Variants in CCL28 observed in about 807,000 individuals in gnomAD.
CCL28 encodes C-C motif chemokine ligand 28, also known as C-C motif chemokine 28.
CCL28 carries 4 observed loss-of-function variants against 7.1 expected under a neutral mutation model. The ratio of observed to expected loss-of-function variants is 0.56; its 90% CI spans 0.28 to 1.29. The LOEUF is 1.29. CCL28 is among the 50% of genes most tolerant of loss of function. The probability of loss-of-function intolerance (pLI) is 0.11; values close to 1 mark genes in which losing one functional copy is unlikely to be tolerated. For missense variants in CCL28, 151 were observed against 163.4 expected (o/e 0.92, Z 0.41); for synonymous variants, 55 against 57.8 (o/e 0.95, Z 0.22).
Position 43,408,707 on chromosome 5 carries a change from A to G in CCL28, c.64+3546T>C, listed in dbSNP as rs577979815. 7.2e-5 allele frequency among the ~76,000 whole-genome samples: 11 copies of G among 152,204 alleles called. No individual in the cohort carries two copies. In the East Asian group the frequency reaches 1.7e-3, roughly 24 times the overall value. On this transcript the variant is annotated intron_variant, in intron 1 of 2. Coordinates refer to ENST00000361115, the MANE Select transcript of CCL28 (RefSeq NM_148672.3). ...AATGCATAGAGGAAATTCTGGAAGGATATGCAGAACCCTCTGGAGAGGGGA... is the reference window on the plus strand; with the variant it reads ...AATGCATAGAGGAAATTCTGGAAGGGTATGCAGAACCCTCTGGAGAGGGGA...
chr5:43,375,695 A>G (rs1341684103), downstream of CCL28, among the ~76,000 whole-genome samples: 2 of 152,206 alleles, frequency 1.3e-5, no homozygotes, highest in East Asian at 3.9e-4. Flanking sequence ...ATAGTAGGCT[A>G]TATAAAGAAC....
intron 1 of CCL28, among the ~76,000 whole-genome samples, chr5:43,411,074 G>A (rs1334407120): frequency 6.6e-6 from 1 of 152,172 alleles, no homozygotes; most frequent in Admixed American, 6.5e-5. Context: ...GCCAGTTCTT[G>A]CCATGGTATG....
chr5:43,375,285 A>T (rs537723838), downstream of CCL28, among the ~76,000 whole-genome samples: 4 of 148,882 alleles, frequency 2.7e-5, no homozygotes, highest in African/African-American at 1.0e-4. Flanking sequence ...CACTGCGCCC[A>T]ACCAATAGTC....
chr5:43,405,450 A>G (rs1741234604), intron 1 of CCL28, among the ~76,000 whole-genome samples: 1 of 152,250 alleles, frequency 6.6e-6, no homozygotes, highest in South Asian at 2.1e-4. Flanking sequence ...GAAACCAATG[A>G]GAACAAAGAC....
chr5:43,364,468 A>G, the CCL28 span, among the ~76,000 whole-genome samples: 2 of 152,206 alleles, frequency 1.3e-5, no homozygotes, highest in Admixed American at 6.5e-5. Context: ...CCCCATAAAT[A>G]TATATAATTA....
intron 1 of CCL28, among the ~76,000 whole-genome samples, chr5:43,410,789 G>A (rs995336386): frequency 3.9e-5 from 6 of 152,186 alleles, no homozygotes; most frequent in Admixed American, 1.3e-4. Flanking sequence ...TGAAGCCTTA[G>A]CAGGTAGGCC....
the CCL28 span, among the ~76,000 whole-genome samples, chr5:43,371,340 T>G: frequency 6.6e-6 from 1 of 152,196 alleles, no homozygotes; most frequent in African/African-American, 2.4e-5. Flanking sequence ...CCTCCAAAAT[T>G]GTCCCCAGTG....
intron 2 of CCL28, among the ~76,000 whole-genome samples, chr5:43,383,325 C>T (rs1740198307): frequency 6.6e-6 from 1 of 152,130 alleles, no homozygotes; most frequent in African/African-American, 2.4e-5. Flanking sequence ...TAAATTGAAA[C>T]TTCTGACCCT....
chr5:43,392,611 CA>C (rs1244320521), intron 1 of CCL28, among the ~76,000 whole-genome samples: 2 of 152,210 alleles, frequency 1.3e-5, no homozygotes, highest in East Asian at 3.8e-4. Context: ...CTCATACCTG[CA>C]GTTGATGAGA....
intron 1 of CCL28, among the ~76,000 whole-genome samples, chr5:43,391,054 T>G (rs1327264301): frequency 2.6e-5 from 4 of 152,164 alleles, no homozygotes; most frequent in Non-Finnish European, 4.4e-5. Context: ...AGAGTGTGTG[T>G]GAAAGAAAGT....
At chr5:43,358,764 C>T in the CCL28 span, among the ~76,000 whole-genome samples, 2 of 152,122 alleles carry the variant, frequency 1.3e-5, no homozygotes, top group African/African-American at 4.8e-5. Flanking sequence ...GATAAACAAA[C>T]CAATGTTAAT....
At chr5:43,382,574 C>A (rs1381831983) in intron 2 of CCL28, among the ~76,000 whole-genome samples, 1 of 152,122 alleles carries the variant, frequency 6.6e-6, no homozygotes. Context: ...TTACTTTATT[C>A]TGTCTTTTAT....
At chr5:43,410,100 T>G (rs1230414935) in intron 1 of CCL28, among the ~76,000 whole-genome samples, 3 of 152,172 alleles carry the variant, frequency 2.0e-5, no homozygotes, top group African/African-American at 7.2e-5. Context: ...TTTCCCAAAG[T>G]TCCAAACTGG....
intron 1 of CCL28, among the ~76,000 whole-genome samples, chr5:43,397,630 GTA>G (rs1380443090): frequency 6.6e-6 from 1 of 152,134 alleles, no homozygotes; most frequent in Non-Finnish European, 1.5e-5. Context: ...TCTATGATTA[GTA>G]AAATGCTGCA....
At chr5:43,383,076 C>G (rs1181786227) in intron 2 of CCL28, among the ~76,000 whole-genome samples, 2 of 152,146 alleles carry the variant, frequency 1.3e-5, no homozygotes, top group Admixed American at 1.3e-4. Context: ...GCCTCAGCCC[C>G]CGAAGTGCTG....
intron 2 of CCL28, among the ~76,000 whole-genome samples, chr5:43,386,881 G>C (rs1740357945): frequency 6.6e-6 from 1 of 152,182 alleles, no homozygotes; most frequent in African/African-American, 2.4e-5. Context: ...GCTGGATAAA[G>C]AGTCCCCTTG....
At chr5:43,370,114 T>C in the CCL28 span, among the ~76,000 whole-genome samples, 1 of 152,180 alleles carries the variant, frequency 6.6e-6, no homozygotes, top group Non-Finnish European at 1.5e-5. Context: ...TGTACCCACA[T>C]AAAAGACTTC....
chr5:43,403,650 G>C (rs1031808466), intron 1 of CCL28, among the ~76,000 whole-genome samples: 1 of 152,314 alleles, frequency 6.6e-6, no homozygotes, highest in Middle Eastern at 3.4e-3. Context: ...ATGGAACAAA[G>C]CTGGATGGAA....
At chr5:43,364,020 C>T in the CCL28 span, among the ~76,000 whole-genome samples, 1 of 152,188 alleles carries the variant, frequency 6.6e-6, no homozygotes, top group Non-Finnish European at 1.5e-5. Context: ...CAATAACCTG[C>T]CATCAGATTT....
Sources: gnomAD v4.1 joint callset for allele counts (sites outside exome capture counted in the v4.1 genomes callset) on GRCh38, gnomAD v4.1.1 for gene constraint, MANE v1.5 for transcripts, NCBI Gene and HGNC (gene_info 2026-07-23, HGNC 2026-07-21) for gene names.